FMR1NB: variants seen among roughly 807,000 people sequenced by gnomAD.
FMR1NB encodes the protein FMR1 neighbor protein.
Under a neutral mutation model 16.8 loss-of-function variants are expected in FMR1NB, and 10 were observed. That is an observed-to-expected ratio of 0.60 (90% CI 0.37 to 1.01). The LOEUF (loss-of-function observed/expected upper bound fraction) is 1.01, where lower values mean the gene tolerates loss of function less well. Among genes scored for constraint, FMR1NB ranks in the 50% least tolerant of loss-of-function variants. The pLI, the probability that FMR1NB is intolerant of heterozygous loss-of-function variation, is 0.01. For missense variants in FMR1NB, 205 were observed against 204.8 expected (o/e 1.00, Z 0.00); for synonymous variants, 83 against 79.1 (o/e 1.05, Z -0.26).
chrX:148,017,139 G>A (rs782188908), intron 4 of FMR1NB, among the ~76,000 whole-genome samples: 1 of 110,875 alleles, frequency 9.0e-6, no homozygotes, highest in African/African-American at 3.3e-5. Flanking sequence ...CTGCTCTAGG[G>A]TGAAAGAGTA....
rs782426581 is a variant in FMR1NB at position 147,986,330 on chromosome X, C to G, written c.277+4651C>G. Among the ~76,000 whole-genome samples, 21 of 112,172 alleles carry G rather than the reference C, an allele frequency of 1.9e-4. No individual in the cohort carries two copies. In the East Asian group the frequency reaches 5.3e-3, roughly 28 times the overall value. On this transcript the variant is annotated intron_variant, in intron 1 of 5. Transcript: ENST00000370467. ...CAGAAGCTCTTTAGTTTAATTAGATCCCATTTGTCAATTTTGGCTTTTGTT... is the reference window on the plus strand; with the variant it reads ...CAGAAGCTCTTTAGTTTAATTAGATGCCATTTGTCAATTTTGGCTTTTGTT...
In FMR1NB at chrX:147,983,704, G is replaced by A. The variant is rs556131894; in HGVS notation, c.277+2025G>A. 6.3e-5 allele frequency among the ~76,000 whole-genome samples: 7 copies of A among 111,876 alleles called. No individual in the cohort carries two copies. In the South Asian group the frequency reaches 2.2e-3, roughly 36 times the overall value. ...GTAGTCTTTTCACTTTCTTGATAAT[G>A]TCCTTTGATGTAAAAATGTTTTTAA... On this transcript the variant is annotated intron_variant, in intron 1 of 5. Transcript: ENST00000370467.
intron 1 of FMR1NB, among the ~76,000 whole-genome samples, chrX:148,001,857 ATAAGGATATAG>A (rs200717647): frequency 0.013 from 1,475 of 111,914 alleles, 17 homozygotes; most frequent in African/African-American, 0.046. Flanking sequence ...ATCTATGACT[ATAAGGATATAG>A]TAAGGATTTA....
intron 2 of FMR1NB, among the ~76,000 whole-genome samples, chrX:148,004,571 AT>A (rs782548315): frequency 2.8e-4 from 31 of 112,575 alleles, no homozygotes; most frequent in Non-Finnish European, 4.5e-4. Context: ...TTTGAAGACA[AT>A]AACTACAGCT....
At chrX:147,983,007 T>C (rs1471379924) in intron 1 of FMR1NB, among the ~76,000 whole-genome samples, 1 of 112,479 alleles carries the variant, frequency 8.9e-6, no homozygotes, top group Non-Finnish European at 1.9e-5. Context: ...TCACCCCATG[T>C]AGTTCCAAAA....
At chrX:148,000,117 G>T (rs2044563551) in intron 1 of FMR1NB, among the ~76,000 whole-genome samples, 1 of 111,459 alleles carries the variant, frequency 9.0e-6, no homozygotes, top group African/African-American at 3.3e-5. Flanking sequence ...TGAGAAAGAA[G>T]ATATTATCAT....
Position 147,981,440 on chromosome X carries a change from G to A in FMR1NB, c.38G>A (p.Arg13Lys), listed in dbSNP as rs782256745. ...AGGAGGAAAGCGAAGGGGAGGAATAGGAGAAGTCACCGTGCCATGCGTGTG... is the reference window on the plus strand; with the variant it reads ...AGGAGGAAAGCGAAGGGGAGGAATAAGAGAAGTCACCGTGCCATGCGTGTG... ...SHRRKAKGRN[R>K]RSHRAMRVAH... The change falls in exon 1 of 6, where the codon AGG (arginine) becomes AAG (lysine). Residue 13 changes from arginine (R) to lysine (K), a missense_variant. Arg to Lys is a conservative substitution (Grantham distance 26, BLOSUM62 2). Coordinates refer to ENST00000370467, the MANE Select transcript of FMR1NB (RefSeq NM_152578.3). 4 of 1,211,712 alleles carry A rather than the reference G, an allele frequency of 3.3e-6. No homozygotes were observed. In the South Asian group the frequency reaches 7.0e-5, roughly 21 times the overall value.
At chrX:148,018,858 A>T (rs1256767885) in intron 4 of FMR1NB, among the ~76,000 whole-genome samples, 1 of 111,906 alleles carries the variant, frequency 8.9e-6, no homozygotes, top group Non-Finnish European at 1.9e-5. Flanking sequence ...TCTGCACAGC[A>T]AAAGAAACTA....
At chrX:148,025,097 C>G in intron 5 of FMR1NB, 84 bp downstream of exon 5, 2 of 1,042,950 alleles carry the variant, frequency 1.9e-6, no homozygotes, top group Non-Finnish European at 1.3e-6. Flanking sequence ...CTTGGCTTGA[C>G]TGACACATTT....
intron 4 of FMR1NB, among the ~76,000 whole-genome samples, chrX:148,024,064 T>C (rs1162284362): frequency 8.9e-6 from 1 of 112,023 alleles, no homozygotes; most frequent in Non-Finnish European, 1.9e-5. Flanking sequence ...CGTGAAGTGC[T>C]TATTATGCAC....
At chrX:148,005,245 A>T (rs1557189001) in intron 2 of FMR1NB, among the ~76,000 whole-genome samples, 1 of 112,078 alleles carries the variant, frequency 8.9e-6, no homozygotes, top group Non-Finnish European at 1.9e-5. Flanking sequence ...GCAGAAATTA[A>T]CAGATGATCT....
rs1388050793 is a variant in FMR1NB at position 148,012,362 on chromosome X, G to A, written c.632+3651G>A. Among the ~76,000 whole-genome samples the A allele has an allele frequency of 2.7e-5, 3 of 111,939 alleles. No individual in the cohort carries two copies. The Admixed American group carries it at 2.8e-4, about 11-fold the overall frequency. ...GATTATATAGTGATATGATACTTGA[G>A]TGTGTCTGTAGCTTTGGTAAGGTGG... On this transcript the variant is annotated intron_variant, in intron 4 of 5. Coordinates refer to ENST00000370467, the MANE Select transcript of FMR1NB (RefSeq NM_152578.3).
chrX:148,019,826 C>T (rs2044669873), intron 4 of FMR1NB, among the ~76,000 whole-genome samples: 1 of 111,994 alleles, frequency 8.9e-6, no homozygotes, highest in Non-Finnish European at 1.9e-5. Flanking sequence ...ACTGAGGCCA[C>T]CACCACTGGG....
At chrX:147,986,682 T>A (rs2044478528) in intron 1 of FMR1NB, among the ~76,000 whole-genome samples, 1 of 111,601 alleles carries the variant, frequency 9.0e-6, no homozygotes, top group South Asian at 3.7e-4. Flanking sequence ...TTTCTATATA[T>A]CTGTTTTGGT....
chrX:148,024,920 A>C lies in FMR1NB; in HGVS notation c.688A>C (p.Lys230Gln). ...CAACAGAGTTGTAACGGGTTTGAAG[A>C]AACAAAGAAGGAAGCGAAAGAGGAA... Reference protein sequence around the residue: ...QDNRVVTGLKKQRRKRKRKSE... With the variant: ...QDNRVVTGLKQQRRKRKRKSE... The change falls in exon 5 of 6, where the codon AAA (lysine) becomes CAA (glutamine). Residue 230 changes from lysine to glutamine, a missense_variant. Coordinates refer to ENST00000370467, the MANE Select transcript of FMR1NB (RefSeq NM_152578.3). 1 of 1,211,440 alleles carries C rather than the reference A, an allele frequency of 8.3e-7. No individual in the cohort carries two copies. Among genetic ancestry groups the C allele is most frequent in the Non-Finnish European group, 1.1e-6 (1 of 895,175 alleles).
chrX:147,983,514 G>T (rs888084998), intron 1 of FMR1NB, among the ~76,000 whole-genome samples: 2 of 112,016 alleles, frequency 1.8e-5, no homozygotes, highest in African/African-American at 6.5e-5. Flanking sequence ...TTATATGCTT[G>T]TTGGCCATTC....
At chrX:147,991,609 A>T (rs954708551) in intron 1 of FMR1NB, among the ~76,000 whole-genome samples, 1 of 102,349 alleles carries the variant, frequency 9.8e-6, no homozygotes, top group African/African-American at 3.7e-5. Flanking sequence ...TTCCCAAAAA[A>T]CTTCCTTCCT....
At chrX:148,001,707 G>C (rs1388662457) in intron 1 of FMR1NB, among the ~76,000 whole-genome samples, 1 of 109,783 alleles carries the variant, frequency 9.1e-6, no homozygotes, top group Non-Finnish European at 1.9e-5. Flanking sequence ...CTGAGATTGC[G>C]CCATTGCACT....
chrX:148,025,146 G>T (rs1361801816), intron 5 of FMR1NB, 133 bp downstream of exon 5: 3 of 657,094 alleles, frequency 4.6e-6, no homozygotes, highest in Non-Finnish European at 6.7e-6. Context: ...AGGAGGGCCA[G>T]CTTCTGAACA....
Sources: allele counts gnomAD v4.1 joint callset (sites outside exome capture counted in the v4.1 genomes callset), GRCh38; gene constraint gnomAD v4.1.1; transcripts MANE v1.5; gene names NCBI Gene and HGNC (gene_info 2026-07-23, HGNC 2026-07-21).